The following PHACTR2 variants were observed in gnomAD, a reference collection of about 807,000 sequenced individuals.
PHACTR2 encodes phosphatase and actin regulator 2, also known as chromosome 6 open reading frame 56.
A neutral mutation model predicts 76.0 loss-of-function variants in PHACTR2; 30 were observed. The ratio of observed to expected loss-of-function variants is 0.39; its 90% CI spans 0.30 to 0.54. The LOEUF is 0.54. PHACTR2 is among the 20% of genes least tolerant of loss of function. The pLI, the probability that PHACTR2 is intolerant of heterozygous loss-of-function variation, is 0.61. For synonymous variants in PHACTR2, 292 were observed against 292.5 expected (o/e 1.00, Z 0.02); for missense variants, 696 against 781.1 (o/e 0.89, Z 1.30).
rs1011446048 is a variant in PHACTR2 at position 143,549,867 on chromosome 6, A to G, written c.217+12660A>G. Among the ~76,000 whole-genome samples, 1 of 151,790 alleles carries G rather than the reference A, an allele frequency of 6.6e-6. No homozygotes were observed. The highest frequency in any genetic ancestry group is 1.5e-5 in the Non-Finnish European group (1 of 67,892). ...GATTCAGCCGGTCCCTGGCCTCAACAAGCAAGCTCTTAATCCTAGGTTGTG... is the reference window on the plus strand; with the variant it reads ...GATTCAGCCGGTCCCTGGCCTCAACGAGCAAGCTCTTAATCCTAGGTTGTG... On this transcript the variant is annotated intron_variant, in intron 1 of 11. Coordinates refer to the PHACTR2 transcript ENST00000367584. This position sits in a 1 kb window ranked among gnomAD's most constrained non-coding sequence, Gnocchi z 4.2.
At chr6:143,612,733 TGC>T (rs1429189069) in intron 1 of PHACTR2, among the ~76,000 whole-genome samples, 4 of 152,220 alleles carry the variant, frequency 2.6e-5, no homozygotes, top group Non-Finnish European at 5.9e-5. Flanking sequence ...AATGTAATGT[TGC>T]TAGCTCTTCT....
Position 143,784,689 on chromosome 6 carries a change from A to G in PHACTR2, c.1707+1409A>G, listed in dbSNP as rs1053615448. On this transcript the variant is annotated intron_variant, in intron 10 of 12. Coordinates refer to ENST00000440869, the MANE Select transcript of PHACTR2 (RefSeq NM_001100164.2). The surrounding 1 kb of genome is among the most constrained non-coding windows in gnomAD (Gnocchi z 4.5). The stretch of plus-strand genomic sequence containing the variant: ...TGATAAAGACACACCTGAGACTGGG[A>G]AGAAAAAGAGATTTAATTGGACTTA... Among the ~76,000 whole-genome samples, 2 of 152,188 alleles carry G rather than the reference A, an allele frequency of 1.3e-5. No homozygotes were observed. The highest frequency in any genetic ancestry group is 4.8e-5 in the African/African-American group (2 of 41,440).
chr6:143,786,097 A>G (rs1206956768), intron 10 of PHACTR2, among the ~76,000 whole-genome samples: 2 of 152,232 alleles, frequency 1.3e-5, no homozygotes, highest in South Asian at 4.1e-4. Flanking sequence ...CTCAGGCTGC[A>G]AATTTTCTGA....
At chr6:143,692,122 C>T (rs1354318198) in intron 1 of PHACTR2, among the ~76,000 whole-genome samples, 4 of 152,118 alleles carry the variant, frequency 2.6e-5, no homozygotes, top group Non-Finnish European at 5.9e-5. Context: ...TAAGGTGTTT[C>T]AGGGTGTGCT....
At chr6:143,576,811 G>A (rs1455262640) in intron 1 of PHACTR2, among the ~76,000 whole-genome samples, 2 of 145,838 alleles carry the variant, frequency 1.4e-5, no homozygotes, top group Non-Finnish European at 3.0e-5. Context: ...AGGAGGCCGA[G>A]GTTGCAGTGA....
intron 1 of PHACTR2, among the ~76,000 whole-genome samples, chr6:143,640,656 C>A (rs927642729): frequency 1.3e-5 from 2 of 152,140 alleles, no homozygotes; most frequent in Non-Finnish European, 2.9e-5. Flanking sequence ...GCTATTAATA[C>A]ATTAATAAAC....
intron 1 of PHACTR2, among the ~76,000 whole-genome samples, chr6:143,704,095 C>CTGTGTGTGTGTGTGTCTGTG (rs71024872): frequency 0.15 from 21,110 of 143,766 alleles, 1,551 homozygotes; most frequent in East Asian, 0.18. Flanking sequence ...GTGTGTGTGT[C>CTGTGTGTGTGTGTGTCTGTG]TGTGTGTGTG....
intron 1 of PHACTR2, among the ~76,000 whole-genome samples, chr6:143,661,150 G>A (rs1776940754): frequency 6.6e-6 from 1 of 152,296 alleles, no homozygotes; most frequent in Admixed American, 6.5e-5. Context: ...AACTCTAGAT[G>A]AAGTAAGATA....
In PHACTR2 at chr6:143,823,894, G is replaced by T; in HGVS notation, c.*205G>T. 2.0e-6 allele frequency: 1 copy of T among 499,492 alleles called. No homozygotes were observed. The highest frequency in any genetic ancestry group is 3.0e-5 in the East Asian group (1 of 33,038). The allele number at this position is 499,492 out of a possible 1,614,324, so 30.9% of individuals were successfully genotyped here. A position where few individuals can be genotyped will look rare whatever the true frequency, so the allele number is the denominator to read the frequency against. On this transcript the variant is annotated 3_prime_UTR_variant, in exon 13 of 13. Coordinates refer to ENST00000440869, the MANE Select transcript of PHACTR2 (RefSeq NM_001100164.2). The surrounding 1 kb of genome is among the most constrained non-coding windows in gnomAD (Gnocchi z 5.7). ...CAACAAGCAAAAGGAAGGATGCAGTGACTCTTGCTGCCCAGAATGCACAGC... is the reference window on the plus strand; with the variant it reads ...CAACAAGCAAAAGGAAGGATGCAGTTACTCTTGCTGCCCAGAATGCACAGC...
intron 1 of PHACTR2, among the ~76,000 whole-genome samples, chr6:143,567,535 A>G (rs1376891885): frequency 2.6e-5 from 4 of 152,224 alleles, no homozygotes; most frequent in Non-Finnish European, 4.4e-5. Context: ...CGTAGCTGGA[A>G]CTACAGGCAC....
At position 143,567,010 on chromosome 6, in the gene PHACTR2, T is replaced by TA. The variant is rs962276934; in HGVS notation, c.217+29804dup. 2.6e-5 allele frequency among the ~76,000 whole-genome samples: 4 copies of TA among 152,268 alleles called. No homozygotes were observed. The South Asian group carries it at 6.2e-4, about 24-fold the overall frequency. ...AGAATTTCCTTTTGAAGCGTCTCTG[T>TA]AGATGATTTATCTAAAGCCATTAGC... On this transcript the variant is annotated intron_variant, in intron 1 of 11. Transcript: ENST00000367584.
intron 1 of PHACTR2, among the ~76,000 whole-genome samples, chr6:143,637,473 C>G (rs191453884): frequency 6.6e-6 from 1 of 152,088 alleles, no homozygotes; most frequent in Non-Finnish European, 1.5e-5. Flanking sequence ...TAAGACTTTG[C>G]GAAATTGAAG....
At position 143,730,718 on chromosome 6, in the gene PHACTR2, A is replaced by G. The variant is rs964079309; in HGVS notation, c.215-18267A>G. Among the ~76,000 whole-genome samples, 2 of 152,154 alleles carry G rather than the reference A, an allele frequency of 1.3e-5. No individual in the cohort carries two copies. The highest frequency in any genetic ancestry group is 4.8e-5 in the African/African-American group (2 of 41,444). ...TCCTATTCTTAGGGGGAAAGCATTC[A>G]TTAAGTATGATGTTGGTGTAAGATT... is the stretch of plus-strand genomic sequence containing the variant. On this transcript the variant is annotated intron_variant, in intron 2 of 12. Transcript: ENST00000440869. This position sits in a 1 kb window ranked among gnomAD's most constrained non-coding sequence, Gnocchi z 4.8.
intron 1 of PHACTR2, among the ~76,000 whole-genome samples, chr6:143,594,550 G>A (rs1470045031): frequency 6.6e-6 from 1 of 152,232 alleles, no homozygotes; most frequent in East Asian, 1.9e-4. Flanking sequence ...GGTGGAATAT[G>A]GAAACAATCC....
In PHACTR2 at chr6:143,795,008, G is replaced by A. The variant is rs748502544; in HGVS notation, c.1845+6098G>A. ...GGAAGGCCCTTGCTGGTTGTGGTGGGGAATCTCCGGAATCTGGTAGTCTGG... is the reference window on the plus strand; with the variant it reads ...GGAAGGCCCTTGCTGGTTGTGGTGGAGAATCTCCGGAATCTGGTAGTCTGG... On this transcript the variant is annotated intron_variant, in intron 11 of 12. Transcript: ENST00000440869. The surrounding 1 kb of genome is among the most constrained non-coding windows in gnomAD (Gnocchi z 4.8). Among the ~76,000 whole-genome samples the A allele has an allele frequency of 3.3e-5, 5 of 152,156 alleles. No individual in the cohort carries two copies. The highest frequency in any genetic ancestry group is 6.6e-5 in the Admixed American group (1 of 15,266).
intron 1 of PHACTR2, among the ~76,000 whole-genome samples, chr6:143,551,559 C>A (rs914354573): frequency 6.6e-6 from 1 of 152,084 alleles, no homozygotes; most frequent in Non-Finnish European, 1.5e-5. Context: ...TTTCTCAACA[C>A]CCGGACCAGG....
At position 143,760,350 on chromosome 6, in the gene PHACTR2, A is replaced by C. The variant is rs566145606; in HGVS notation, c.455-51A>C. The stretch of plus-strand genomic sequence containing the variant: ...TCGTCATGTCTTGCTCCTTGTGTTT[A>C]TATGGTGTGTGTCTGTATCAGTCTG... On this transcript the variant is annotated intron_variant, in intron 4 of 12. Coordinates refer to ENST00000440869, the MANE Select transcript of PHACTR2 (RefSeq NM_001100164.2). The surrounding 1 kb of genome is among the most constrained non-coding windows in gnomAD (Gnocchi z 6.4). The C allele has an allele frequency of 3.3e-6, 5 of 1,536,742 alleles. No homozygotes were observed. Among genetic ancestry groups the C allele is most frequent in the Non-Finnish European group, 4.4e-6 (5 of 1,133,490 alleles).
At chr6:143,566,684 C>G (rs9403507) in intron 1 of PHACTR2, among the ~76,000 whole-genome samples, 92,844 of 151,476 alleles carry the variant, frequency 0.61, 28,768 homozygotes, top group Middle Eastern at 0.72. Flanking sequence ...CCCTGTCCCT[C>G]TTACTAACTC....
chr6:143,620,582 A>C (rs895542593), intron 1 of PHACTR2, among the ~76,000 whole-genome samples: 1 of 152,360 alleles, frequency 6.6e-6, no homozygotes, highest in East Asian at 1.9e-4. Flanking sequence ...ATAGATATGA[A>C]ACTAAGGCAG....
Sources: gnomAD v4.1 joint callset for allele counts (sites outside exome capture counted in the v4.1 genomes callset) on GRCh38, gnomAD v4.1.1 for gene constraint, Gnocchi (gnomAD v3.1) non-coding constraint, MANE v1.5 for transcripts, NCBI Gene and HGNC (gene_info 2026-07-23, HGNC 2026-07-21) for gene names.